TADA2A: variants seen among roughly 807,000 people sequenced by gnomAD.
TADA2A encodes the protein transcriptional adaptor 2A, also known as transcriptional adapter 2-alpha.
TADA2A carries 38 observed loss-of-function variants against 67.4 expected under a neutral mutation model. That is an observed-to-expected ratio of 0.56 (90% CI 0.44 to 0.74). The LOEUF is 0.74. TADA2A is among the 30% of genes least tolerant of loss of function. TADA2A has a pLI of 0.00. For missense variants in TADA2A, 454 were observed against 547.0 expected (o/e 0.83, Z 1.70); for synonymous variants, 192 against 181.6 (o/e 1.06, Z -0.46).
chr17:37,415,656 G>A (rs1399175562), intron 2 of TADA2A, among the ~76,000 whole-genome samples: 2 of 149,166 alleles, frequency 1.3e-5, no homozygotes, highest in Non-Finnish European at 2.9e-5. Context: ...GAGGTGGGTG[G>A]ATCATGAGGT....
At chr17:37,428,210 T>C (rs2052466479) in intron 4 of TADA2A, among the ~76,000 whole-genome samples, 1 of 152,150 alleles carries the variant, frequency 6.6e-6, no homozygotes, top group South Asian at 2.1e-4. Context: ...CAAATTTGTC[T>C]CACAGTTCTG....
Position 37,478,725 on chromosome 17 carries a change from A to G in TADA2A, c.*1743A>G, listed in dbSNP as rs897073222. On this transcript the variant is annotated 3_prime_UTR_variant, in exon 16 of 16. Transcript: ENST00000615182. Reference sequence around the variant, plus strand: ...AATAGTTGACTGTTTAATTCCTTCTACATTCAAATATCTAATTAAAATACT... The same window carrying G: ...AATAGTTGACTGTTTAATTCCTTCTGCATTCAAATATCTAATTAAAATACT... 1 of 152,196 alleles carries G rather than the reference A, an allele frequency of 6.6e-6. No homozygotes were observed. The highest frequency in any genetic ancestry group is 2.4e-5 in the African/African-American group (1 of 41,434). 9.4% of individuals were successfully genotyped at this position (152,196 alleles called of 1,614,324 possible).
chr17:37,467,930 AAAC>A (rs1017319145), intron 12 of TADA2A, among the ~76,000 whole-genome samples: 9 of 152,166 alleles, frequency 5.9e-5, no homozygotes, highest in African/African-American at 1.9e-4. Flanking sequence ...AAAAATAAAA[AAAC>A]TAGCCAGGCG....
intron 4 of TADA2A, among the ~76,000 whole-genome samples, chr17:37,435,455 A>AT (rs1467268424): frequency 1.3e-5 from 2 of 151,662 alleles, no homozygotes; most frequent in Non-Finnish European, 2.9e-5. Context: ...CACCCGGCTA[A>AT]TTTTTTGTAT....
At chr17:37,465,667 T>C in intron 11 of TADA2A, 126 bp downstream of exon 11, 1 of 1,509,288 alleles carries the variant, frequency 6.6e-7, no homozygotes, top group Non-Finnish European at 8.9e-7. Context: ...TTGTTCCCCT[T>C]TATTACCATG....
chr17:37,432,565 C>T (rs1224603040), intron 4 of TADA2A, among the ~76,000 whole-genome samples: 4 of 152,268 alleles, frequency 2.6e-5, no homozygotes, highest in Admixed American at 6.5e-5. Flanking sequence ...TTCTGTTGTA[C>T]GAACATAATA....
chr17:37,414,176 G>A (rs1006622377), intron 2 of TADA2A, among the ~76,000 whole-genome samples: 3 of 151,998 alleles, frequency 2.0e-5, no homozygotes, highest in Non-Finnish European at 4.4e-5. Context: ...TATATGTACC[G>A]CATTTTCTTT....
At chr17:37,444,477 A>G (rs1267282433) in intron 7 of TADA2A, among the ~76,000 whole-genome samples, 3 of 152,160 alleles carry the variant, frequency 2.0e-5, no homozygotes, top group Non-Finnish European at 4.4e-5. Context: ...ACTCATAACT[A>G]TTCCAATTTT....
At chr17:37,440,933 A>T (rs111497128) in intron 6 of TADA2A, among the ~76,000 whole-genome samples, 1 of 152,072 alleles carries the variant, frequency 6.6e-6, no homozygotes, top group Non-Finnish European at 1.5e-5. Flanking sequence ...TGTCTCAACT[A>T]AAAGTATAAA....
chr17:37,463,803 A>G (rs1404438320), intron 10 of TADA2A, among the ~76,000 whole-genome samples: 1 of 151,774 alleles, frequency 6.6e-6, no homozygotes, highest in Non-Finnish European at 1.5e-5. Context: ...AATAAAAAAA[A>G]TTAGCCAGGT....
Position 37,458,634 on chromosome 17 carries a change from G to GT in TADA2A, c.668+51dup, listed in dbSNP as rs145733561. The GT allele has an allele frequency of 3.8e-5, 48 of 1,267,374 alleles. No homozygotes were observed. In the African/African-American group the frequency reaches 5.3e-4, roughly 14 times the overall value. 78.5% of individuals were successfully genotyped at this position (1,267,374 alleles called of 1,614,324 possible). A position where few individuals can be genotyped will look rare whatever the true frequency, so the allele number is the denominator to read the frequency against. On this transcript the variant is annotated intron_variant, in intron 9 of 15. Coordinates refer to ENST00000615182, the MANE Select transcript of TADA2A (RefSeq NM_001166105.3). ...GGCCTCCTTTCAGCTTTGGATTATT[G>GT]TTTTGTGTGTGTGTGTGTGTGTGTG...
intron 14 of TADA2A, among the ~76,000 whole-genome samples, chr17:37,471,468 C>T (rs2053785854): frequency 6.6e-6 from 1 of 152,086 alleles, no homozygotes; most frequent in South Asian, 2.1e-4. Context: ...ACTTATTTCA[C>T]AGGAGATAAA....
chr17:37,443,334 A>G lies in TADA2A; in HGVS notation c.531+682A>G, dbSNP rs1209520249. On this transcript the variant is annotated intron_variant, in intron 7 of 15. Transcript: ENST00000615182. Reference sequence around the variant, plus strand: ...AATGGCATGGTCTTGGCCCATTGCAACCTCCACTTCCTGGGTTCAAGCGAT... The same window carrying G: ...AATGGCATGGTCTTGGCCCATTGCAGCCTCCACTTCCTGGGTTCAAGCGAT... Among the ~76,000 whole-genome samples the G allele has an allele frequency of 2.0e-5, 3 of 151,472 alleles. 1 individual carries two copies. Among genetic ancestry groups the G allele is most frequent in the Middle Eastern group, 6.8e-3 (2 of 294 alleles).
chr17:37,474,424 G>T, intron 14 of TADA2A, 132 bp from the exon 15 acceptor site: 1 of 756,036 alleles, frequency 1.3e-6, no homozygotes. Flanking sequence ...GAGGGAATGG[G>T]ACAGGATTTC....
chr17:37,455,219 T>C (rs1413151922), intron 8 of TADA2A, among the ~76,000 whole-genome samples: 2 of 151,978 alleles, frequency 1.3e-5, no homozygotes, highest in African/African-American at 4.8e-5. Context: ...AAAGGTTTAA[T>C]GTAGCATAGT....
At chr17:37,461,988 T>C in intron 9 of TADA2A, 90 bp from the exon 10 acceptor site, 4 of 1,017,300 alleles carry the variant, frequency 3.9e-6, no homozygotes, top group Non-Finnish European at 6.0e-6. Flanking sequence ...CACCTCAGCA[T>C]GTTTATGTCT....
chr17:37,446,589 C>A (rs1164678459), intron 8 of TADA2A, among the ~76,000 whole-genome samples: 3 of 141,312 alleles, frequency 2.1e-5, no homozygotes, highest in African/African-American at 5.5e-5. Context: ...CACAGTGAGA[C>A]CCTGTCTCTA....
chr17:37,462,266 G>A (rs113221708), intron 10 of TADA2A, 145 bp downstream of exon 10: 1 of 576,694 alleles, frequency 1.7e-6, no homozygotes, highest in South Asian at 2.4e-5. Context: ...AATCTCTGGG[G>A]TTGGAGGCAC....
At chr17:37,455,506 T>C (rs1040169357) in intron 8 of TADA2A, among the ~76,000 whole-genome samples, 1 of 152,008 alleles carries the variant, frequency 6.6e-6, no homozygotes, top group African/African-American at 2.4e-5. Context: ...CTCAGCCTCC[T>C]GAGTAGCTGG....
Sources: gnomAD v4.1 joint callset for allele counts (sites outside exome capture counted in the v4.1 genomes callset) on GRCh38, gnomAD v4.1.1 for gene constraint, MANE v1.5 for transcripts, NCBI Gene and HGNC (gene_info 2026-07-23, HGNC 2026-07-21) for gene names.